Variants in LAD1 observed in about 807,000 individuals in gnomAD.
The protein encoded by LAD1 is ladinin 1.
In LAD1, 53 loss-of-function variants were observed where a neutral mutation model predicts 54.2. The ratio of observed to expected loss-of-function variants is 0.98; its 90% CI spans 0.78 to 1.23. The LOEUF is 1.23. LAD1 is among the 50% of genes most tolerant of loss of function. The probability of loss-of-function intolerance (pLI) is 0.00; values close to 1 mark genes in which losing one functional copy is unlikely to be tolerated. For synonymous variants in LAD1, 231 were observed against 257.7 expected (o/e 0.90, Z 0.99); for missense variants, 637 against 653.3 (o/e 0.98, Z 0.27).
At chr1:201,393,407 A>G (rs1239102163) in intron 1 of LAD1, among the ~76,000 whole-genome samples, 1 of 152,188 alleles carries the variant, frequency 6.6e-6, no homozygotes, top group East Asian at 1.9e-4. Flanking sequence ...GAAACCAAAA[A>G]AGGAATTAGT....
chr1:201,393,304 A>G (rs776446170), intron 1 of LAD1, among the ~76,000 whole-genome samples: 1 of 152,222 alleles, frequency 6.6e-6, no homozygotes, highest in Non-Finnish European at 1.5e-5. Context: ...AATGAGACCA[A>G]GACAGAATTG....
At chr1:201,382,185 A>G (rs113808877) in intron 9 of LAD1, 67 bp downstream of exon 9, 34,227 of 1,320,194 alleles carry the variant, frequency 0.026, 618 homozygotes, top group African/African-American at 0.066. Flanking sequence ...GCACACGGGG[A>G]CGATGGGGTC....
At chr1:201,382,437 GA>G in intron 8 of LAD1, 111 bp from the exon 9 acceptor site, 1 of 952,742 alleles carries the variant, frequency 1.0e-6, no homozygotes, top group Non-Finnish European at 1.7e-6. Flanking sequence ...TCCCAAAAGA[GA>G]AAAGGAACCC....
chr1:201,395,375 A>G (rs1662270524), intron 1 of LAD1, among the ~76,000 whole-genome samples: 1 of 152,208 alleles, frequency 6.6e-6, no homozygotes, highest in Admixed American at 6.5e-5. Context: ...GTGAATAACT[A>G]AAGGAATAAG....
In LAD1 at chr1:201,398,996, G is replaced by T. The variant is rs28364651; in HGVS notation, c.38+273C>A. On this transcript the variant is annotated intron_variant, in intron 1 of 9. Transcript: ENST00000391967. The stretch of plus-strand genomic sequence containing the variant: ...TCCTTCCTGCTTCCACCTTCCACAG[G>T]GGGGGCCATATCCCAGCGGGCGTCC... Among the ~76,000 whole-genome samples, 1,344 of 152,284 alleles carry T rather than the reference G, an allele frequency of 8.8e-3. 55 individuals carry two copies. The East Asian group carries it at 0.14, about 16-fold the overall frequency.
chr1:201,382,866 T>C, intron 7 of LAD1, 127 bp from the exon 8 acceptor site: 5 of 956,402 alleles, frequency 5.2e-6, no homozygotes, highest in Non-Finnish European at 8.0e-6. Flanking sequence ...CACATATACC[T>C]GGGACAGCCC....
At chr1:201,390,997 C>T in intron 1 of LAD1, 1 of 427,276 alleles carries the variant, frequency 2.3e-6, no homozygotes. Context: ...AGTGGACAGT[C>T]ATGGAGATAT....
intron 5 of LAD1, chr1:201,383,690 C>G (rs560096148): frequency 5.0e-5 from 21 of 417,434 alleles, no homozygotes; most frequent in South Asian, 4.0e-4. Context: ...TTCCCCATCA[C>G]AGCAATCGCC....
intron 1 of LAD1, chr1:201,391,240 G>T (rs1662191744): frequency 2.3e-6 from 1 of 437,650 alleles, no homozygotes; most frequent in Admixed American, 2.6e-5. Context: ...GGGAGCAAGG[G>T]GACCCCACAC....
chr1:201,391,021 T>TC, intron 1 of LAD1: 2 of 445,906 alleles, frequency 4.5e-6, no homozygotes, highest in South Asian at 3.2e-5. Context: ...CTCACTCAAT[T>TC]CCCCATGGAA....
At chr1:201,387,238 C>A in intron 2 of LAD1, 60 bp from the exon 3 acceptor site, 1 of 1,433,282 alleles carries the variant, frequency 7.0e-7, no homozygotes, top group Non-Finnish European at 9.1e-7. Flanking sequence ...CCTAAGTATA[C>A]CTAACCCAAT....
intron 2 of LAD1, among the ~76,000 whole-genome samples, chr1:201,388,515 T>C (rs1443520153): frequency 6.6e-6 from 1 of 151,868 alleles, no homozygotes; most frequent in Non-Finnish European, 1.5e-5. Context: ...AAACCCCATT[T>C]CTACTAAAAA....
At chr1:201,392,676 A>G (rs1662216650) in intron 1 of LAD1, among the ~76,000 whole-genome samples, 1 of 152,180 alleles carries the variant, frequency 6.6e-6, no homozygotes, top group Non-Finnish European at 1.5e-5. Flanking sequence ...GGCCTTGGAG[A>G]CCAGGGAAAG....
In LAD1 at chr1:201,382,314, C is replaced by CT; in HGVS notation, c.1485dup (p.Ala496SerfsTer15). On this transcript the variant is annotated frameshift_variant, in exon 9 of 10. Transcript: ENST00000391967. LOFTEE classifies it high-confidence loss of function. ...TGAGTCCTCTCGGTTGCAGATGATG[C>CT]TTTCTGTGCCTCCTGATTGAGGGTA... The CT allele has an allele frequency of 1.2e-6, 2 of 1,613,604 alleles. No individual in the cohort carries two copies. The highest frequency in any genetic ancestry group is 2.7e-5 in the African/African-American group (2 of 75,038).
At chr1:201,398,976 C>T (rs1172573008) in intron 1 of LAD1, among the ~76,000 whole-genome samples, 1 of 152,214 alleles carries the variant, frequency 6.6e-6, no homozygotes, top group African/African-American at 2.4e-5. Context: ...AACGTTCCTT[C>T]CTGCTTCCAC....
chr1:201,389,039 T>C (rs1662146739), intron 2 of LAD1, 121 bp downstream of exon 2: 4 of 1,189,704 alleles, frequency 3.4e-6, no homozygotes, highest in Admixed American at 4.4e-5. Context: ...TGGAAATTCA[T>C]CATCACACCC....
In LAD1 at chr1:201,381,811, T is replaced by C. The variant is rs1008527787; in HGVS notation, c.*77A>G. ...CAGGGACAATGAGAGGAAAGGGTGC[T>C]GCTGTGAGAGGCAGGGGCCTGGCAT... On this transcript the variant is annotated 3_prime_UTR_variant, in exon 10 of 10. Coordinates refer to ENST00000391967, the MANE Select transcript of LAD1 (RefSeq NM_005558.4). The C allele has an allele frequency of 5.6e-5, 82 of 1,452,480 alleles. No homozygotes were observed. The highest frequency in any genetic ancestry group is 5.2e-4 in the Middle Eastern group (3 of 5,772). The allele number at this position is 1,452,480 out of a possible 1,614,324, so 90.0% of individuals were successfully genotyped here.
intron 4 of LAD1, 54 bp downstream of exon 4, chr1:201,385,647 C>A (rs929381318): frequency 1.6e-5 from 20 of 1,286,310 alleles, no homozygotes; most frequent in Non-Finnish European, 2.3e-5. Flanking sequence ...TGGATGCGGG[C>A]TTCCTCCACT....
At chr1:201,396,650 G>A (rs1309151992) in intron 1 of LAD1, among the ~76,000 whole-genome samples, 2 of 152,160 alleles carry the variant, frequency 1.3e-5, no homozygotes, top group East Asian at 3.9e-4. Context: ...GGGGCTCAAG[G>A]AGCATAATTT....
Sources: gnomAD v4.1 joint callset for allele counts (sites outside exome capture counted in the v4.1 genomes callset) on GRCh38, gnomAD v4.1.1 for gene constraint, MANE v1.5 for transcripts, NCBI Gene and HGNC (gene_info 2026-07-23, HGNC 2026-07-21) for gene names.